The following IL1R1 variants were observed in gnomAD, a reference collection of about 807,000 sequenced individuals.
The protein encoded by IL1R1 is interleukin 1 receptor type 1.
IL1R1 carries 22 observed loss-of-function variants against 50.2 expected under a neutral mutation model. The observed-to-expected ratio is 0.44, with a 90% confidence interval of 0.31 to 0.63. The LOEUF is 0.63. Ranked by LOEUF, IL1R1 falls within the 20% of genes least tolerant of loss-of-function variation. IL1R1 has a pLI of 0.07. For synonymous variants in IL1R1, 251 were observed against 236.7 expected (o/e 1.06, Z -0.55); for missense variants, 509 against 676.2 (o/e 0.75, Z 2.74).
chr2:102,136,374 A>ATTTTTTTTTTTTTTTTTTTTTTTTTTTTT (rs10664336), intron 1 of IL1R1, among the ~76,000 whole-genome samples: 1 of 118,408 alleles, frequency 8.4e-6, no homozygotes. Flanking sequence ...GGATAACAGT[A>ATTTTTTTTTTTTTTTTTTTTTTTTTTTTT]TTTTTTTTTT....
At chr2:102,089,704 C>A (rs2104308018) in intron 1 of IL1R1, among the ~76,000 whole-genome samples, 1 of 152,236 alleles carries the variant, frequency 6.6e-6, no homozygotes, top group Non-Finnish European at 1.5e-5. Context: ...CTGTTTCTAT[C>A]AAGGAGGCAG....
At chr2:102,121,711 A>G (rs997409103) in intron 1 of IL1R1, among the ~76,000 whole-genome samples, 1 of 152,224 alleles carries the variant, frequency 6.6e-6, no homozygotes, top group Non-Finnish European at 1.5e-5. Flanking sequence ...AACAAAGCCT[A>G]GCACATTTTT....
At chr2:102,142,159 A>G (rs151052769), upstream of IL1R1, 1 of 152,250 alleles carries the variant, frequency 6.6e-6, no homozygotes, top group South Asian at 2.1e-4. Flanking sequence ...CGTGAGTAGT[A>G]TCAGCTCTGG....
intron 1 of IL1R1, among the ~76,000 whole-genome samples, chr2:102,122,395 G>T (rs753209119): frequency 6.6e-5 from 10 of 152,096 alleles, no homozygotes; most frequent in African/African-American, 9.7e-5. Flanking sequence ...TTCTGTGTCA[G>T]TTCTCTCTCT....
chr2:102,087,997 C>T (rs1327445979), intron 1 of IL1R1, among the ~76,000 whole-genome samples: 3 of 152,216 alleles, frequency 2.0e-5, no homozygotes, highest in Non-Finnish European at 4.4e-5. Flanking sequence ...TCAGGCTCCA[C>T]TTTTAATTCT....
intron 6 of IL1R1, 37 bp from the exon 7 acceptor site, chr2:102,168,561 A>G (rs1340526072): frequency 6.5e-7 from 1 of 1,544,346 alleles, no homozygotes; most frequent in African/African-American, 1.4e-5. Flanking sequence ...TCTGATCTAT[A>G]AGAGACTGAC....
intron 1 of IL1R1, among the ~76,000 whole-genome samples, chr2:102,121,968 C>G (rs1053046725): frequency 5.9e-5 from 9 of 152,130 alleles, no homozygotes; most frequent in African/African-American, 1.7e-4. Flanking sequence ...AAATGTGAAG[C>G]TGCCAGGCAA....
At chr2:102,102,217 T>G (rs117902091), upstream of IL1R1, among the ~76,000 whole-genome samples, 51 of 152,274 alleles carry the variant, frequency 3.3e-4, no homozygotes, top group East Asian at 8.7e-3. Context: ...CCAGGAAGTA[T>G]GAGACAATGG....
At chr2:102,090,251 C>T (rs1315889551) in intron 1 of IL1R1, among the ~76,000 whole-genome samples, 3 of 151,662 alleles carry the variant, frequency 2.0e-5, no homozygotes, top group South Asian at 2.1e-4. Context: ...AACCTAAATC[C>T]CCACAAAGGT....
At chr2:102,122,863 T>C (rs1227703432) in intron 1 of IL1R1, among the ~76,000 whole-genome samples, 1 of 152,236 alleles carries the variant, frequency 6.6e-6, no homozygotes, top group Non-Finnish European at 1.5e-5. Flanking sequence ...ATAACACATA[T>C]GCATTAACTC....
intron 1 of IL1R1, among the ~76,000 whole-genome samples, chr2:102,130,294 GTAA>G (rs1379538216): frequency 6.6e-6 from 1 of 152,162 alleles, no homozygotes; most frequent in African/African-American, 2.4e-5. Flanking sequence ...CTTTTTCTTG[GTAA>G]TAATGTTTTT....
chr2:102,077,401 G>A (rs1312202789), intron 1 of IL1R1, among the ~76,000 whole-genome samples: 1 of 152,106 alleles, frequency 6.6e-6, no homozygotes, highest in African/African-American at 2.4e-5. Context: ...TTTGTAATGT[G>A]AATTTGCCAT....
At chr2:102,108,216 G>GT (rs1680529174) in intron 1 of IL1R1, among the ~76,000 whole-genome samples, 1 of 147,498 alleles carries the variant, frequency 6.8e-6, no homozygotes, top group Non-Finnish European at 1.5e-5. Context: ...AAGTGTGTGT[G>GT]TGTGTGTATG....
At chr2:102,115,822 T>C (rs970130989) in intron 1 of IL1R1, among the ~76,000 whole-genome samples, 1 of 152,096 alleles carries the variant, frequency 6.6e-6, no homozygotes, top group Non-Finnish European at 1.5e-5. Context: ...AATGGGCACA[T>C]AGTAAACATG....
chr2:102,091,473 G>A (rs557042678), intron 1 of IL1R1, among the ~76,000 whole-genome samples: 8 of 152,248 alleles, frequency 5.3e-5, no homozygotes, highest in Admixed American at 3.3e-4. Flanking sequence ...CATGGATAAT[G>A]TATCCTTTTC....
In IL1R1 at chr2:102,174,591, T is replaced by C; in HGVS notation, c.996T>C (p.Thr332=). The C allele has an allele frequency of 1.3e-6, 2 of 1,568,208 alleles. No individual in the cohort carries two copies. The highest frequency in any genetic ancestry group is 1.7e-6 in the Non-Finnish European group (2 of 1,162,838). ...TTTTTTTTCTTTTTGCTATAGTCAC[T>C]AATTTCCAGAAGCACATGATTGGTA... is the stretch of plus-strand genomic sequence containing the variant. ...AAYIQLIYPV[T]NFQKHMIGIC... The change falls in exon 10 of 12, where the codon ACT becomes ACC. Residue 332 remains threonine, a synonymous_variant. Transcript: ENST00000410023.
rs114194637 is a variant in IL1R1 at position 102,105,115 on chromosome 2, G to A, written c.-84+243G>A. Among the ~76,000 whole-genome samples the A allele has an allele frequency of 7.6e-3, 1,158 of 152,252 alleles. 12 individuals are homozygous for A. Among genetic ancestry groups the A allele is most frequent in the African/African-American group, 0.025 (1,032 of 41,538 alleles). ...TAGGAGAACGACTGTGATTATCTAT[G>A]GAAGATTAACTATGAAACATATGGG... On this transcript the variant is annotated intron_variant, in intron 1 of 10. Transcript: ENST00000409329.
intron 1 of IL1R1, among the ~76,000 whole-genome samples, chr2:102,094,828 C>T (rs926276855): frequency 6.6e-6 from 1 of 152,038 alleles, no homozygotes; most frequent in African/African-American, 2.4e-5. Context: ...TATATATACA[C>T]ACATATACAC....
At chr2:102,106,832 T>C (rs1680441021) in intron 1 of IL1R1, among the ~76,000 whole-genome samples, 1 of 152,208 alleles carries the variant, frequency 6.6e-6, no homozygotes, top group Non-Finnish European at 1.5e-5. Flanking sequence ...TTTCATTGCA[T>C]AGATAGTTTA....
Sources: allele counts gnomAD v4.1 joint callset (sites outside exome capture counted in the v4.1 genomes callset), GRCh38; gene constraint gnomAD v4.1.1; transcripts MANE v1.5; gene names NCBI Gene and HGNC (gene_info 2026-07-23, HGNC 2026-07-21).